The following RYK variants were observed in gnomAD, a reference collection of about 807,000 sequenced individuals.
RYK encodes inactive tyrosine-protein kinase RYK.
In RYK, 21 loss-of-function variants were observed where a neutral mutation model predicts 70.2. That is an observed-to-expected ratio of 0.30 (90% CI 0.21 to 0.43). The LOEUF is 0.43. RYK is among the 20% of genes least tolerant of loss of function. The pLI, the probability that RYK is intolerant of heterozygous loss-of-function variation, is 1.00. For synonymous variants in RYK, 267 were observed against 278.0 expected (o/e 0.96, Z 0.39); for missense variants, 604 against 753.3 (o/e 0.80, Z 2.32).
chr3:134,162,030 G>GGT (rs1010375686), intron 13 of RYK, among the ~76,000 whole-genome samples: 18 of 152,132 alleles, frequency 1.2e-4, no homozygotes, highest in Non-Finnish European at 2.1e-4. Context: ...GGAAGCCCCT[G>GGT]GTGTGTCTTG....
intron 1 of RYK, among the ~76,000 whole-genome samples, chr3:134,224,248 T>C (rs774880211): frequency 6.6e-6 from 1 of 151,982 alleles, no homozygotes; most frequent in African/African-American, 2.4e-5. Context: ...GTAAGGAGTG[T>C]GAGTCATCTC....
chr3:134,202,636 T>C, intron 6 of RYK, 94 bp downstream of exon 6: 5 of 1,041,900 alleles, frequency 4.8e-6, no homozygotes, highest in Non-Finnish European at 5.5e-6. Flanking sequence ...CCTCCCTCCT[T>C]TCCCTGCACC....
chr3:134,203,078 G>A (rs368130079), intron 5 of RYK, among the ~76,000 whole-genome samples: 5 of 152,112 alleles, frequency 3.3e-5, no homozygotes, highest in Non-Finnish European at 5.9e-5. Context: ...CAGGTGTGAT[G>A]GCTCACGCCT....
chr3:134,223,760 C>T (rs2014806023), intron 1 of RYK, among the ~76,000 whole-genome samples: 1 of 151,962 alleles, frequency 6.6e-6, no homozygotes, highest in African/African-American at 2.4e-5. Flanking sequence ...ATATATATTC[C>T]ACAAGTTAGA....
intron 1 of RYK, among the ~76,000 whole-genome samples, chr3:134,235,375 G>A (rs2015176091): frequency 6.6e-6 from 1 of 151,606 alleles, no homozygotes; most frequent in South Asian, 2.1e-4. Context: ...ATCTTTTCCT[G>A]TATATTTTCC....
At chr3:134,221,200 T>C (rs1289138432) in intron 2 of RYK, among the ~76,000 whole-genome samples, 2 of 58,318 alleles carry the variant, frequency 3.4e-5, no homozygotes, top group Non-Finnish European at 5.1e-5. Flanking sequence ...CTTTTTCTTT[T>C]TTTTTTTTTT....
chr3:134,203,329 C>A (rs1310036289), intron 5 of RYK, among the ~76,000 whole-genome samples: 1 of 152,096 alleles, frequency 6.6e-6, no homozygotes, highest in Admixed American at 6.5e-5. Context: ...GCGTGGGCGA[C>A]AGACCATCTA....
chr3:134,248,537 G>C (rs377765836), intron 1 of RYK, among the ~76,000 whole-genome samples: 14 of 152,090 alleles, frequency 9.2e-5, no homozygotes, highest in African/African-American at 3.1e-4. Flanking sequence ...ATATGAACTA[G>C]GCCAGGTGCG....
At chr3:134,181,788 A>G (rs1329954655) in intron 10 of RYK, 1 of 152,164 alleles carries the variant, frequency 6.6e-6, no homozygotes, top group Non-Finnish European at 1.5e-5. Flanking sequence ...ACACATTATG[A>G]TGTTACATTT....
At chr3:134,189,526 C>T (rs999812194) in intron 8 of RYK, among the ~76,000 whole-genome samples, 2 of 151,764 alleles carry the variant, frequency 1.3e-5, no homozygotes, top group African/African-American at 4.8e-5. Flanking sequence ...TTTGGGAGGC[C>T]GAGGCAGGCG....
intron 1 of RYK, among the ~76,000 whole-genome samples, chr3:134,240,354 C>CAG (rs2015293637): frequency 6.6e-6 from 1 of 152,118 alleles, no homozygotes; most frequent in South Asian, 2.1e-4. Context: ...GACGGGTATA[C>CAG]AGAGATTCAT....
chr3:134,240,749 C>A (rs1170226830), intron 1 of RYK, among the ~76,000 whole-genome samples: 2 of 152,142 alleles, frequency 1.3e-5, no homozygotes, highest in African/African-American at 4.8e-5. Context: ...GCACAGTATA[C>A]AAATTTTAGT....
intron 13 of RYK, among the ~76,000 whole-genome samples, chr3:134,173,730 T>C (rs2013003081): frequency 6.6e-6 from 1 of 152,122 alleles, no homozygotes; most frequent in South Asian, 2.1e-4. Flanking sequence ...GGTGGGGACA[T>C]AGCCAAACCA....
At chr3:134,165,848 T>G (rs2012648046) in intron 13 of RYK, among the ~76,000 whole-genome samples, 1 of 152,236 alleles carries the variant, frequency 6.6e-6, no homozygotes, top group African/African-American at 2.4e-5. Flanking sequence ...ACCACTGTAT[T>G]TTTGAAGCAC....
rs536074536 is a variant in RYK, at chr3:134,188,819, A to AT, written c.1102+17dup. Reference sequence around the variant, plus strand: ...GACAGAAGAGCATCATGGAAATACTATGGAAAAAAGATCCTACCTTTAACT... The same window carrying AT: ...GACAGAAGAGCATCATGGAAATACTATTGGAAAAAAGATCCTACCTTTAACT... On this transcript the variant is annotated intron_variant, in intron 9 of 14. Transcript: ENST00000623711. 95 of 1,451,588 alleles carry AT rather than the reference A, an allele frequency of 6.5e-5. No individual in the cohort carries two copies. In the Middle Eastern group the frequency reaches 6.9e-4, roughly 11 times the overall value. The allele number at this position is 1,451,588 out of a possible 1,614,324, so 89.9% of individuals were successfully genotyped here. A position where few individuals can be genotyped will look rare whatever the true frequency, so the allele number is the denominator to read the frequency against.
chr3:134,206,304 AATCT>A (rs1327333841), intron 5 of RYK, among the ~76,000 whole-genome samples: 4 of 152,194 alleles, frequency 2.6e-5, no homozygotes, highest in African/African-American at 9.6e-5. Context: ...TCAAGTGCAA[AATCT>A]ATCTGCCAGT....
intron 4 of RYK, among the ~76,000 whole-genome samples, chr3:134,208,014 T>C (rs1024703866): frequency 1.3e-5 from 2 of 152,086 alleles, no homozygotes; most frequent in African/African-American, 2.4e-5. Flanking sequence ...TAGGATCACA[T>C]AATAAAGTAA....
At chr3:134,228,370 T>G (rs577608122) in intron 1 of RYK, among the ~76,000 whole-genome samples, 45 of 152,266 alleles carry the variant, frequency 3.0e-4, no homozygotes, top group African/African-American at 1.0e-3. Flanking sequence ...GAAATTAGTA[T>G]GTCGAAGAGG....
intron 6 of RYK, 114 bp downstream of exon 6, chr3:134,202,616 G>T: frequency 1.3e-6 from 1 of 783,256 alleles, no homozygotes. Flanking sequence ...TTTGGCTGGG[G>T]CTTAATCATC....
Sources: allele counts gnomAD v4.1 joint callset (sites outside exome capture counted in the v4.1 genomes callset), GRCh38; gene constraint gnomAD v4.1.1; transcripts MANE v1.5; gene names NCBI Gene and HGNC (gene_info 2026-07-23, HGNC 2026-07-21).